SCMH1: variants seen among roughly 807,000 people sequenced by gnomAD.
SCMH1 encodes the protein polycomb protein SCMH1.
In SCMH1, 37 loss-of-function variants were observed where a neutral mutation model predicts 70.8. That is an observed-to-expected ratio of 0.52 (90% CI 0.40 to 0.69). The LOEUF is 0.69. Ranked by LOEUF, SCMH1 falls within the 30% of genes least tolerant of loss-of-function variation. SCMH1 has a pLI of 0.00. For synonymous variants in SCMH1, 292 were observed against 307.4 expected, an observed-to-expected ratio of 0.95 and a Z score of 0.52; for missense variants, 607 against 827.3, an observed-to-expected ratio of 0.73 and a Z score of 3.27.
At chr1:41,033,888 C>CT in intron 13 of SCMH1, 95 bp downstream of exon 14, 1 of 1,576,116 alleles carries the variant, frequency 6.3e-7, no homozygotes, top group Non-Finnish European at 8.6e-7. Context: ...ACAGTACCAT[C>CT]TGAGGCCAGT....
At chr1:41,096,420 A>C (rs569135735) in intron 8 of SCMH1, among the ~76,000 whole-genome samples, 1 of 152,346 alleles carries the variant, frequency 6.6e-6, no homozygotes, top group African/African-American at 2.4e-5. Flanking sequence ...TTTGTAAAAT[A>C]GATAATAGTA....
intron 6 of SCMH1, among the ~76,000 whole-genome samples, chr1:41,139,487 G>T (rs572327591): frequency 5.3e-5 from 8 of 152,070 alleles, no homozygotes; most frequent in Admixed American, 5.2e-4. Flanking sequence ...GGTTTCTGGA[G>T]AATTTTTGGA....
chr1:41,203,268 T>C (rs554919960), intron 1 of SCMH1, among the ~76,000 whole-genome samples: 3 of 152,256 alleles, frequency 2.0e-5, no homozygotes, highest in African/African-American at 7.2e-5. Context: ...AAAATTCACA[T>C]AGAAAATTCA....
intron 10 of SCMH1, among the ~76,000 whole-genome samples, chr1:41,067,668 C>T (rs990729570): frequency 1.3e-5 from 2 of 151,962 alleles, no homozygotes; most frequent in Non-Finnish European, 2.9e-5. Context: ...GATGAATAGG[C>T]AGAGACCAGA....
intron 1 of SCMH1, among the ~76,000 whole-genome samples, chr1:41,206,179 G>A (rs1655501879): frequency 6.6e-6 from 1 of 152,174 alleles, no homozygotes; most frequent in Admixed American, 6.5e-5. Context: ...GAATAAAGCT[G>A]GATGGAGAAT....
chr1:41,234,958 T>C (rs1481514657), intron 1 of SCMH1, among the ~76,000 whole-genome samples: 3 of 152,242 alleles, frequency 2.0e-5, no homozygotes, highest in Admixed American at 2.0e-4. Context: ...TTTGTATTTT[T>C]TGCAGATACA....
intron 2 of SCMH1, among the ~76,000 whole-genome samples, chr1:41,184,712 A>C (rs529846131): frequency 6.6e-6 from 1 of 152,186 alleles, no homozygotes; most frequent in South Asian, 2.1e-4. Flanking sequence ...TATACACTAA[A>C]ATGTACAAGC....
At chr1:41,135,150 G>A (rs979425475) in intron 6 of SCMH1, among the ~76,000 whole-genome samples, 4 of 151,902 alleles carry the variant, frequency 2.6e-5, no homozygotes, top group African/African-American at 9.7e-5. Context: ...GTGTGTGTGG[G>A]CACATGTGTA....
chr1:41,213,832 T>C (rs1657549305), intron 1 of SCMH1, among the ~76,000 whole-genome samples: 1 of 152,136 alleles, frequency 6.6e-6, no homozygotes, highest in Non-Finnish European at 1.5e-5. Flanking sequence ...ACTTTAGCCA[T>C]GAACCTAGGA....
chr1:41,092,010 T>G (rs1015300387), intron 8 of SCMH1, among the ~76,000 whole-genome samples: 6 of 152,112 alleles, frequency 3.9e-5, no homozygotes, highest in African/African-American at 1.4e-4. Flanking sequence ...TTCACAGAAT[T>G]GGAAAAAACT....
intron 10 of SCMH1, among the ~76,000 whole-genome samples, chr1:41,060,041 C>G (rs1277939611): frequency 6.8e-6 from 1 of 147,256 alleles, no homozygotes; most frequent in Non-Finnish European, 1.5e-5. Flanking sequence ...TATTCAAGAA[C>G]TGTGGGATAA....
intron 8 of SCMH1, among the ~76,000 whole-genome samples, chr1:41,093,908 T>A (rs1664358961): frequency 1.3e-5 from 2 of 152,216 alleles, no homozygotes. Flanking sequence ...TTCTCTAAAG[T>A]GACAGGCTCA....
At chr1:41,044,898 T>C (rs1216370834) in intron 12 of SCMH1, among the ~76,000 whole-genome samples, 1 of 152,198 alleles carries the variant, frequency 6.6e-6, no homozygotes, top group Non-Finnish European at 1.5e-5. Context: ...TGAATGCTGC[T>C]ACCAGTATGT....
intron 1 of SCMH1, among the ~76,000 whole-genome samples, chr1:41,240,908 G>A (rs950836454): frequency 6.6e-6 from 1 of 152,118 alleles, no homozygotes; most frequent in Non-Finnish European, 1.5e-5. Flanking sequence ...TAAGGGGATG[G>A]GGGAAACTAA....
At chr1:41,037,008 C>A (rs1740610) in intron 13 of SCMH1, among the ~76,000 whole-genome samples, 129,308 of 152,056 alleles carry the variant, frequency 0.85, 55,491 homozygotes, top group East Asian at 0.97. Context: ...TATCTGTTTA[C>A]GTGTCTCTCT....
intron 8 of SCMH1, among the ~76,000 whole-genome samples, chr1:41,091,611 G>A (rs200867799): frequency 0.078 from 11,883 of 152,246 alleles, 597 homozygotes; most frequent in South Asian, 0.13. Context: ...GTTTGCAGAT[G>A]ACATGATTGT....
intron 1 of SCMH1, among the ~76,000 whole-genome samples, chr1:41,240,370 T>C (rs1481046441): frequency 6.6e-6 from 1 of 152,046 alleles, no homozygotes; most frequent in East Asian, 1.9e-4. Context: ...ACCTGCAGAG[T>C]TGCTTAGGCA....
chr1:41,127,504 T>C (rs766047789), intron 6 of SCMH1, among the ~76,000 whole-genome samples: 1 of 152,232 alleles, frequency 6.6e-6, no homozygotes, highest in African/African-American at 2.4e-5. Context: ...TATTCTGACA[T>C]ACGCTGTGAT....
intron 4 of SCMH1, among the ~76,000 whole-genome samples, chr1:41,160,499 A>G (rs185214662): frequency 2.0e-4 from 30 of 152,314 alleles, no homozygotes; most frequent in African/African-American, 7.2e-4. Flanking sequence ...TTTATCTTAC[A>G]AGTAATTTTT....
Sources: allele counts gnomAD v4.1 joint callset (sites outside exome capture counted in the v4.1 genomes callset), GRCh38; gene constraint gnomAD v4.1.1; transcripts MANE v1.5; gene names NCBI Gene and HGNC (gene_info 2026-07-23, HGNC 2026-07-21).